Variants in CNTNAP5 observed in about 807,000 individuals in gnomAD.
CNTNAP5 encodes the protein contactin associated protein family member 5.
Under a neutral mutation model 150.2 loss-of-function variants are expected in CNTNAP5, and 72 were observed. That is an observed-to-expected ratio of 0.48 (90% CI 0.40 to 0.58). The LOEUF (loss-of-function observed/expected upper bound fraction) is 0.58. Among genes scored for constraint, CNTNAP5 ranks in the 20% least tolerant of loss-of-function variants. The pLI is 0.00. For missense variants in CNTNAP5, 1,636 were observed against 1,626.2 expected (o/e 1.01, Z -0.10); for synonymous variants, 672 against 619.8 (o/e 1.08, Z -1.25).
intron 8 of CNTNAP5, among the ~76,000 whole-genome samples, chr2:124,511,815 A>G (rs116443203): frequency 0.034 from 5,127 of 152,234 alleles, 192 homozygotes; most frequent in Admixed American, 0.089. Flanking sequence ...AACTTAGCCT[A>G]TTTGATACCA....
At chr2:124,442,181 C>T (rs530004687) in intron 5 of CNTNAP5, among the ~76,000 whole-genome samples, 1 of 152,158 alleles carries the variant, frequency 6.6e-6, no homozygotes, top group African/African-American at 2.4e-5. Context: ...GACTTTAGAC[C>T]TTGAGGAGGG....
intron 1 of CNTNAP5, among the ~76,000 whole-genome samples, chr2:124,084,298 G>A (rs954400496): frequency 1.3e-5 from 2 of 149,470 alleles, no homozygotes; most frequent in Admixed American, 6.7e-5. Flanking sequence ...ACAGCGTCTC[G>A]CTTTGTTACC....
Position 124,594,975 on chromosome 2 carries a change from G to A in CNTNAP5, c.1757-14826G>A, listed in dbSNP as rs1213743505. On this transcript the variant is annotated intron_variant, in intron 11 of 23. Transcript: ENST00000682447. ...GTGTATAGGAATGCTTGTGATTTTT[G>A]TACATTGATTTTGTATCCTGAGACT... 1.1e-3 allele frequency among the ~76,000 whole-genome samples: 128 copies of A among 113,594 alleles called. 1 individual carries two copies. The highest frequency in any genetic ancestry group is 4.0e-3 in the African/African-American group (122 of 30,702). The allele number at this position is 113,594 out of a possible 152,430, so 74.5% of individuals were successfully genotyped here.
chr2:124,419,106 C>T (rs1433818295), intron 4 of CNTNAP5, among the ~76,000 whole-genome samples: 3 of 113,134 alleles, frequency 2.7e-5, no homozygotes, highest in Non-Finnish European at 3.3e-5. Flanking sequence ...TGCAGTCCGC[C>T]GTCCGGCCTG....
At chr2:124,123,355 G>T (rs1375771378) in intron 1 of CNTNAP5, among the ~76,000 whole-genome samples, 3 of 152,180 alleles carry the variant, frequency 2.0e-5, no homozygotes, top group African/African-American at 4.8e-5. Context: ...GAGGCTGGGG[G>T]AGGGGCGTCC....
chr2:124,339,268 G>A (rs1003780103), intron 3 of CNTNAP5, among the ~76,000 whole-genome samples: 2 of 152,048 alleles, frequency 1.3e-5, no homozygotes, highest in East Asian at 1.9e-4. Flanking sequence ...ATTCAATAAC[G>A]AGTCAAGGTA....
chr2:124,833,908 C>T (rs1330420837), intron 19 of CNTNAP5, among the ~76,000 whole-genome samples: 2 of 152,156 alleles, frequency 1.3e-5, no homozygotes, highest in African/African-American at 4.8e-5. Context: ...ATTTTCAAAG[C>T]CTCTTTCTGA....
At chr2:124,465,166 A>G (rs1201724468) in intron 6 of CNTNAP5, among the ~76,000 whole-genome samples, 1 of 152,156 alleles carries the variant, frequency 6.6e-6, no homozygotes, top group Non-Finnish European at 1.5e-5. Context: ...TAAATAAAAT[A>G]AGATCAAAGA....
intron 3 of CNTNAP5, among the ~76,000 whole-genome samples, chr2:124,285,808 C>T (rs1688135823): frequency 6.6e-6 from 1 of 151,746 alleles, no homozygotes; most frequent in Non-Finnish European, 1.5e-5. Context: ...TCTTGAAAAA[C>T]AAACAAACAA....
chr2:124,775,710 G>C (rs1681307898), intron 17 of CNTNAP5, among the ~76,000 whole-genome samples: 1 of 152,144 alleles, frequency 6.6e-6, no homozygotes, highest in Non-Finnish European at 1.5e-5. Context: ...TCACCATGAT[G>C]GTTAGGGACA....
At chr2:124,306,830 T>A (rs1291647793) in intron 3 of CNTNAP5, among the ~76,000 whole-genome samples, 4 of 147,674 alleles carry the variant, frequency 2.7e-5, no homozygotes, top group Non-Finnish European at 5.9e-5. Context: ...CAGGTTCCAA[T>A]GATTCTCCTG....
intron 13 of CNTNAP5, among the ~76,000 whole-genome samples, chr2:124,654,149 G>A (rs1353750017): frequency 6.6e-6 from 1 of 152,270 alleles, no homozygotes; most frequent in Non-Finnish European, 1.5e-5. Context: ...CAAAAGGCCA[G>A]TGTGGCTAGA....
chr2:124,796,759 A>G (rs1343541651), intron 18 of CNTNAP5, among the ~76,000 whole-genome samples: 1 of 152,208 alleles, frequency 6.6e-6, no homozygotes, highest in Non-Finnish European at 1.5e-5. Context: ...AACATTCCAT[A>G]TGCCATTTAG....
intron 11 of CNTNAP5, among the ~76,000 whole-genome samples, chr2:124,565,215 G>A (rs1407765829): frequency 1.3e-5 from 2 of 152,198 alleles, no homozygotes; most frequent in African/African-American, 4.8e-5. Context: ...TCATCAGGGA[G>A]TGATGTGGTT....
intron 1 of CNTNAP5, among the ~76,000 whole-genome samples, chr2:124,168,649 G>A (rs577311467): frequency 6.6e-6 from 1 of 152,150 alleles, no homozygotes; most frequent in African/African-American, 2.4e-5. Flanking sequence ...GAACAAAACA[G>A]GAAAGCAAAT....
At chr2:124,672,290 G>A (rs1304511740) in intron 13 of CNTNAP5, among the ~76,000 whole-genome samples, 3 of 152,030 alleles carry the variant, frequency 2.0e-5, no homozygotes, top group Non-Finnish European at 4.4e-5. Flanking sequence ...GTCTTTGAAG[G>A]CTCTTTCTCC....
At chr2:124,456,009 C>A (rs1438845329) in intron 6 of CNTNAP5, among the ~76,000 whole-genome samples, 1 of 152,122 alleles carries the variant, frequency 6.6e-6, no homozygotes, top group African/African-American at 2.4e-5. Context: ...TGGAACAAGA[C>A]AAGGATGCCC....
chr2:124,389,165 T>A (rs1008046829), intron 3 of CNTNAP5, among the ~76,000 whole-genome samples: 1 of 152,186 alleles, frequency 6.6e-6, no homozygotes, highest in African/African-American at 2.4e-5. Flanking sequence ...TGTCCTGTAA[T>A]GTTTAGGCGC....
At chr2:124,461,869 A>AT (rs1693264280) in intron 6 of CNTNAP5, among the ~76,000 whole-genome samples, 1 of 6,322 alleles carries the variant, frequency 1.6e-4, no homozygotes, top group Admixed American at 3.8e-3. Flanking sequence ...TCAAAAAAAA[A>AT]AAAGAAAAAA....
Sources: allele counts gnomAD v4.1 joint callset (sites outside exome capture counted in the v4.1 genomes callset), GRCh38; gene constraint gnomAD v4.1.1; transcripts MANE v1.5; gene names NCBI Gene and HGNC (gene_info 2026-07-23, HGNC 2026-07-21).